The following ATXN10 variants were observed in gnomAD, a reference collection of about 807,000 sequenced individuals.
ATXN10 encodes the protein ataxin 10.
ATXN10 carries 28 observed loss-of-function variants against 52.9 expected under a neutral mutation model. That is an observed-to-expected ratio of 0.53 (90% CI 0.39 to 0.73). The LOEUF (loss-of-function observed/expected upper bound fraction) is 0.73. Among genes scored for constraint, ATXN10 ranks in the 30% least tolerant of loss-of-function variants. The probability of loss-of-function intolerance (pLI) is 0.00; values close to 1 mark genes in which losing one functional copy is unlikely to be tolerated. For missense variants in ATXN10, 565 were observed against 577.0 expected, an observed-to-expected ratio of 0.98 and a Z score of 0.21; for synonymous variants, 226 against 221.5, an observed-to-expected ratio of 1.02 and a Z score of -0.18.
Position 45,700,464 on chromosome 22 carries a change from A to G in ATXN10, c.488+86A>G, listed in dbSNP as rs1923799299. On this transcript the variant is annotated intron_variant, in intron 4 of 11. Coordinates refer to ENST00000252934, the MANE Select transcript of ATXN10 (RefSeq NM_013236.4). ...TTTATATAAAGTTCGAAAACAGGAA[A>G]AAGTAACCCACTGTAATAGAGTTCA... is the stretch of plus-strand genomic sequence containing the variant. 6 of 1,068,028 alleles carry G rather than the reference A, an allele frequency of 5.6e-6. No individual in the cohort carries two copies. The East Asian group carries it at 1.5e-4, about 27-fold the overall frequency. 66.2% of individuals were successfully genotyped at this position (1,068,028 alleles called of 1,614,324 possible). A position where few individuals can be genotyped will look rare whatever the true frequency, so the allele number is the denominator to read the frequency against.
chr22:45,699,648 C>T (rs975985403), intron 3 of ATXN10, among the ~76,000 whole-genome samples: 8 of 151,290 alleles, frequency 5.3e-5, no homozygotes, highest in Middle Eastern at 3.2e-3. Flanking sequence ...CCTTCCACCA[C>T]GCCTGGCTAA....
chr22:45,702,242 T>C (rs554451661), intron 4 of ATXN10, among the ~76,000 whole-genome samples: 4 of 152,328 alleles, frequency 2.6e-5, no homozygotes, highest in East Asian at 1.9e-4. Flanking sequence ...CTAGGAGTTA[T>C]AGCGAGGCTC....
At chr22:45,713,058 G>A (rs1247159616) in intron 5 of ATXN10, among the ~76,000 whole-genome samples, 1 of 151,926 alleles carries the variant, frequency 6.6e-6, no homozygotes. Flanking sequence ...TGCATGTATG[G>A]ATATGGATAA....
At chr22:45,687,174 A>C (rs1923179075) in intron 1 of ATXN10, among the ~76,000 whole-genome samples, 1 of 152,234 alleles carries the variant, frequency 6.6e-6, no homozygotes, top group Non-Finnish European at 1.5e-5. Context: ...CATGGTGCAT[A>C]TATAACAAAT....
At chr22:45,764,381 T>C (rs998702501) in intron 9 of ATXN10, among the ~76,000 whole-genome samples, 6 of 152,144 alleles carry the variant, frequency 3.9e-5, no homozygotes, top group African/African-American at 1.4e-4. Context: ...GCAAGGCTTC[T>C]GTTCTATAAA....
intron 6 of ATXN10, among the ~76,000 whole-genome samples, chr22:45,726,200 C>T (rs183624711): frequency 5.3e-5 from 8 of 152,230 alleles, no homozygotes; most frequent in African/African-American, 1.7e-4. Context: ...GTAGGATTCT[C>T]TCTTTCTCAA....
At chr22:45,794,480 TCCTC>T (rs1049466649) in intron 9 of ATXN10, among the ~76,000 whole-genome samples, 41 of 152,270 alleles carry the variant, frequency 2.7e-4, no homozygotes, top group African/African-American at 9.9e-4. Context: ...CTTTTTTCCT[TCCTC>T]AGTCTTTCTG....
rs997231301 is a variant in ATXN10, at chr22:45,738,685, T to G, written c.895-46T>G. ...ACAGTTATTTATAACAGTTAAATAA[T>G]TTCTCTTAAAATATGCTAAAAAGTT... On this transcript the variant is annotated intron_variant, in intron 7 of 11. Coordinates refer to ENST00000252934, the MANE Select transcript of ATXN10 (RefSeq NM_013236.4). The G allele has an allele frequency of 6.2e-6, 9 of 1,443,770 alleles. No homozygotes were observed. In the Admixed American group the frequency reaches 8.5e-5, roughly 14 times the overall value. The allele number at this position is 1,443,770 out of a possible 1,614,324, so 89.4% of individuals were successfully genotyped here. A position where few individuals can be genotyped will look rare whatever the true frequency, so the allele number is the denominator to read the frequency against.
At position 45,702,867 on chromosome 22, in the gene ATXN10, T is replaced by A; in HGVS notation, c.647+20T>A. The A allele has an allele frequency of 6.2e-7, 1 of 1,613,314 alleles. No homozygotes were observed. Among genetic ancestry groups the A allele is most frequent in the Non-Finnish European group, 8.5e-7 (1 of 1,179,868 alleles). ...ATGGCCGTAAGTATCTTGTTAGAAA[T>A]TTGATTGCTTTGGGGCATCCTGACA... On this transcript the variant is annotated intron_variant, in intron 5 of 11. Coordinates refer to ENST00000252934, the MANE Select transcript of ATXN10 (RefSeq NM_013236.4).
intron 1 of ATXN10, among the ~76,000 whole-genome samples, chr22:45,685,650 C>G (rs1490830673): frequency 6.6e-6 from 1 of 152,050 alleles, no homozygotes; most frequent in African/African-American, 2.4e-5. Flanking sequence ...ATCTGTAATG[C>G]CAAATAGTTT....
chr22:45,807,105 G>A (rs1446026252), intron 10 of ATXN10, 83 bp downstream of exon 10: 6 of 1,094,930 alleles, frequency 5.5e-6, no homozygotes, highest in African/African-American at 4.6e-5. Context: ...TGTTCATTCA[G>A]TATGTAGCTG....
At position 45,781,761 on chromosome 22, in the gene ATXN10, A is replaced by G. The variant is rs929544538; in HGVS notation, c.1174-25198A>G. On this transcript the variant is annotated intron_variant, in intron 9 of 11. Transcript: ENST00000252934. The surrounding 1 kb of genome is among the most constrained non-coding windows in gnomAD (Gnocchi z 4.2). ...CAAATGAAAAAATCTCAGCAAAGAA[A>G]TGGAAGATACAAAGAAAAGCCACGT... 6.6e-6 allele frequency among the ~76,000 whole-genome samples: 1 copy of G among 152,230 alleles called. No homozygotes were observed. The highest frequency in any genetic ancestry group is 6.5e-5 in the Admixed American group (1 of 15,286).
At position 45,672,003 on chromosome 22, in the gene ATXN10, CCCCTTCGTCCTCCTCG is replaced by C. The variant is rs1922459502; in HGVS notation, c.-58_-43del. ...CTACTCCTCCCTCCTCGTCATCCTC[CCCCTTCGTCCTCCTCG>C]CCTTCCTCCTCCTCGTCAGGCTCGA... is the stretch of plus-strand genomic sequence containing the variant. On this transcript the variant is annotated 5_prime_UTR_variant, in exon 1 of 12. Transcript: ENST00000252934. 6 of 1,515,332 alleles carry C rather than the reference CCCCTTCGTCCTCCTCG, an allele frequency of 4.0e-6. No individual in the cohort carries two copies. The East Asian group carries it at 1.5e-4, about 38-fold the overall frequency. The allele number at this position is 1,515,332 out of a possible 1,614,324, so 93.9% of individuals were successfully genotyped here.
chr22:45,754,399 C>T lies in ATXN10; in HGVS notation c.1173+13861C>T, dbSNP rs1304256185. 6.6e-6 allele frequency among the ~76,000 whole-genome samples: 1 copy of T among 152,202 alleles called. No homozygotes were observed. Among genetic ancestry groups the T allele is most frequent in the African/African-American group, 2.4e-5 (1 of 41,442 alleles). On this transcript the variant is annotated intron_variant, in intron 9 of 11. Transcript: ENST00000252934. The surrounding 1 kb of genome is among the most constrained non-coding windows in gnomAD (Gnocchi z 5.4). ...AGGATTAAATTACTATTGATGACAGCAGTCACAGTGACCTTCCATGAATGC... is the reference window on the plus strand; with the variant it reads ...AGGATTAAATTACTATTGATGACAGTAGTCACAGTGACCTTCCATGAATGC...
intron 5 of ATXN10, among the ~76,000 whole-genome samples, chr22:45,711,390 G>A (rs911444717): frequency 2.0e-5 from 3 of 152,156 alleles, no homozygotes; most frequent in South Asian, 4.1e-4. Flanking sequence ...GGAGTTATAG[G>A]CGGGTGAACC....
rs1446940859 is a variant in ATXN10 at position 45,732,499 on chromosome 22, C to G, written c.894+2909C>G. ...TTGTAGGCAGTTTTCTTTTGCAAAGCCAAATTAATTTACTTTTGGAAGTTT... is the reference window on the plus strand; with the variant it reads ...TTGTAGGCAGTTTTCTTTTGCAAAGGCAAATTAATTTACTTTTGGAAGTTT... On this transcript the variant is annotated intron_variant, in intron 7 of 11. Coordinates refer to ENST00000252934, the MANE Select transcript of ATXN10 (RefSeq NM_013236.4). The surrounding 1 kb of genome is among the most constrained non-coding windows in gnomAD (Gnocchi z 4.5). 2.0e-5 allele frequency among the ~76,000 whole-genome samples: 3 copies of G among 151,212 alleles called. No homozygotes were observed. Among genetic ancestry groups the G allele is most frequent in the African/African-American group, 4.9e-5 (2 of 41,234 alleles).
At chr22:45,811,856 C>A (rs1928292582) in intron 10 of ATXN10, 2 of 453,232 alleles carry the variant, frequency 4.4e-6, no homozygotes, top group Admixed American at 4.8e-5. Flanking sequence ...TGGATCATTC[C>A]TCTCTGATTC....
At position 45,693,041 on chromosome 22, in the gene ATXN10, T is replaced by C. The variant is rs775757927; in HGVS notation, c.354T>C (p.Phe118=). ...IGVAVDLILL[F]RELRVEQESL... ...TTGCTGTTGATTTGATTCTTCTGTT[T>C]CGTGAACTGCGAGTGGAACAGGAAT... The change falls in exon 3 of 12, where the codon TTT becomes TTC. Residue 118 remains phenylalanine, a synonymous_variant. Coordinates refer to ENST00000252934, the MANE Select transcript of ATXN10 (RefSeq NM_013236.4). 5.0e-6 allele frequency: 8 copies of C among 1,614,032 alleles called. No homozygotes were observed. The East Asian group carries it at 1.3e-4, about 27-fold the overall frequency.
At chr22:45,743,457 G>T (rs967907020) in intron 9 of ATXN10, among the ~76,000 whole-genome samples, 1 of 152,134 alleles carries the variant, frequency 6.6e-6, no homozygotes, top group African/African-American at 2.4e-5. Flanking sequence ...GAATTCACTC[G>T]CACTCAGATG....
Sources: gnomAD v4.1 joint callset for allele counts (sites outside exome capture counted in the v4.1 genomes callset) on GRCh38, gnomAD v4.1.1 for gene constraint, Gnocchi (gnomAD v3.1) non-coding constraint, MANE v1.5 for transcripts, NCBI Gene and HGNC (gene_info 2026-07-23, HGNC 2026-07-21) for gene names.